Variants in MAPK4 observed in about 807,000 individuals in gnomAD.
The protein encoded by MAPK4 is mitogen-activated protein kinase 4, also known as Erk3-related.
In MAPK4, 22 loss-of-function variants were observed where a neutral mutation model predicts 47.7. The observed-to-expected ratio is 0.46, with a 90% CI of 0.33 to 0.66. The LOEUF (loss-of-function observed/expected upper bound fraction) is 0.66. MAPK4 is among the 30% of genes least tolerant of loss of function. The pLI, the probability that MAPK4 is intolerant of heterozygous loss-of-function variation, is 0.02. For missense variants in MAPK4, 736 were observed against 831.7 expected (o/e 0.88, Z 1.42); for synonymous variants, 390 against 365.7 (o/e 1.07, Z -0.76).
intron 1 of MAPK4, among the ~76,000 whole-genome samples, chr18:50,561,394 G>C (rs1197980145): frequency 6.6e-6 from 1 of 152,214 alleles, no homozygotes; most frequent in African/African-American, 2.4e-5. Context: ...TATGTGAAAA[G>C]CAGGTATACT....
chr18:50,624,024 G>A (rs1369185542), intron 1 of MAPK4, among the ~76,000 whole-genome samples: 1 of 152,224 alleles, frequency 6.6e-6, no homozygotes, highest in East Asian at 1.9e-4. Context: ...GACACCTTCT[G>A]GCCAAAATAA....
At chr18:50,650,434 G>A (rs748920717) in intron 1 of MAPK4, among the ~76,000 whole-genome samples, 4 of 151,814 alleles carry the variant, frequency 2.6e-5, no homozygotes, top group Non-Finnish European at 5.9e-5. Context: ...AGGATCCTGA[G>A]TGTTTTGTTT....
At chr18:50,570,655 A>G (rs2042241673) in intron 1 of MAPK4, among the ~76,000 whole-genome samples, 1 of 151,966 alleles carries the variant, frequency 6.6e-6, no homozygotes, top group Non-Finnish European at 1.5e-5. Flanking sequence ...TTTCCAGATG[A>G]CTCTGCTTGA....
intron 2 of MAPK4, among the ~76,000 whole-genome samples, chr18:50,712,461 T>C (rs140643865): frequency 1.2e-3 from 184 of 152,004 alleles, no homozygotes; most frequent in Non-Finnish European, 2.2e-3. Context: ...AAATCCACTT[T>C]ATGTTTTTTT....
At chr18:50,671,134 A>G (rs1907926850) in intron 2 of MAPK4, among the ~76,000 whole-genome samples, 1 of 152,208 alleles carries the variant, frequency 6.6e-6, no homozygotes, top group Non-Finnish European at 1.5e-5. Context: ...AGGGCTGCTA[A>G]TGGTGGGAAT....
At chr18:50,710,779 C>CTAAATAAATAAA (rs56152549) in intron 2 of MAPK4, among the ~76,000 whole-genome samples, 1 of 144,892 alleles carries the variant, frequency 6.9e-6, no homozygotes, top group African/African-American at 2.6e-5. Context: ...GACTCCGTCT[C>CTAAATAAATAAA]TAAATAAATA....
intron 2 of MAPK4, among the ~76,000 whole-genome samples, chr18:50,680,129 T>G (rs965755413): frequency 4.9e-5 from 7 of 143,568 alleles, no homozygotes; most frequent in Non-Finnish European, 1.1e-4. Flanking sequence ...TTCGCTCTTG[T>G]CGTCCAGGCT....
rs1568077098 is a variant in MAPK4, at chr18:50,678,565, G to T, written c.546+14061G>T. 6.6e-6 allele frequency among the ~76,000 whole-genome samples: 1 copy of T among 152,208 alleles called. No individual in the cohort carries two copies. The highest frequency in any genetic ancestry group is 1.5e-5 in the Non-Finnish European group (1 of 68,046). ...TCAAGGGTCCACCAGCGACTTCCCT[G>T]TTCAGGCACTCAGAGCAGCAACTGA... On this transcript the variant is annotated intron_variant, in intron 2 of 5. Transcript: ENST00000400384. This position sits in a 1 kb window ranked among gnomAD's most constrained non-coding sequence, Gnocchi z 4.2.
At chr18:50,574,410 G>A (rs1280312683) in intron 1 of MAPK4, among the ~76,000 whole-genome samples, 1 of 152,212 alleles carries the variant, frequency 6.6e-6, no homozygotes, top group Non-Finnish European at 1.5e-5. Context: ...TGTTGTTTGA[G>A]TTGGAAGAAA....
intron 3 of MAPK4, among the ~76,000 whole-genome samples, chr18:50,718,598 G>A (rs540889886): frequency 6.6e-6 from 1 of 152,276 alleles, no homozygotes; most frequent in Admixed American, 6.5e-5. Context: ...AGTAATGAGA[G>A]ACCCAGAAAA....
chr18:50,710,505 C>T (rs1158479148), intron 2 of MAPK4, among the ~76,000 whole-genome samples: 1 of 150,994 alleles, frequency 6.6e-6, no homozygotes, highest in Non-Finnish European at 1.5e-5. Context: ...AGGCCAGGCG[C>T]GGAGGCTCAC....
At chr18:50,693,753 G>A (rs1485542185) in intron 2 of MAPK4, among the ~76,000 whole-genome samples, 1 of 152,172 alleles carries the variant, frequency 6.6e-6, no homozygotes, top group Non-Finnish European at 1.5e-5. Flanking sequence ...TAATCCTGTG[G>A]TATAGGAAGG....
intron 1 of MAPK4, among the ~76,000 whole-genome samples, chr18:50,569,372 G>C (rs2042230675): frequency 1.3e-5 from 2 of 152,062 alleles, no homozygotes. Flanking sequence ...TTGAGACTTT[G>C]GATAATCATA....
At chr18:50,676,857 A>G (rs554953734) in intron 2 of MAPK4, among the ~76,000 whole-genome samples, 13 of 152,364 alleles carry the variant, frequency 8.5e-5, no homozygotes, top group African/African-American at 2.4e-4. Context: ...AGATGGTATG[A>G]TCATAAGTTT....
At chr18:50,612,352 C>A (rs1338171424) in intron 1 of MAPK4, among the ~76,000 whole-genome samples, 1 of 152,226 alleles carries the variant, frequency 6.6e-6, no homozygotes, top group Non-Finnish European at 1.5e-5. Context: ...TACCTCCATT[C>A]ATCTAAACCT....
In MAPK4 at chr18:50,715,178, G is replaced by A. The variant is rs767125390; in HGVS notation, c.646G>A (p.Gly216Ser). The A allele has an allele frequency of 6.2e-6, 10 of 1,614,166 alleles. No individual in the cohort carries two copies. The East Asian group carries it at 6.7e-5, about 11-fold the overall frequency. ...CAAAGCCATCGACATGTGGGCCGCC[G>A]GCTGCATCCTGGCTGAGATGCTTAC... Reference protein sequence around the residue: ...YTKAIDMWAAGCILAEMLTGR... With the variant: ...YTKAIDMWAASCILAEMLTGR... Residue 216 changes from glycine to serine, a missense_variant, in exon 3 of 6, where the codon GGC (glycine) becomes AGC (serine). Physicochemically the swap from Gly to Ser is moderately conservative, Grantham distance 56. Coordinates refer to ENST00000400384, the MANE Select transcript of MAPK4 (RefSeq NM_002747.4).
chr18:50,623,496 C>T (rs1737407111), intron 1 of MAPK4, among the ~76,000 whole-genome samples: 1 of 152,188 alleles, frequency 6.6e-6, no homozygotes, highest in Non-Finnish European at 1.5e-5. Flanking sequence ...GTGAATCTGT[C>T]AGCAGATCCC....
intron 1 of MAPK4, among the ~76,000 whole-genome samples, chr18:50,645,578 TG>T (rs2042981470): frequency 6.6e-6 from 1 of 152,186 alleles, no homozygotes; most frequent in Non-Finnish European, 1.5e-5. Flanking sequence ...AGCCTACTTA[TG>T]GGATTCCTGT....
chr18:50,628,374 C>T (rs2042799932), intron 1 of MAPK4, among the ~76,000 whole-genome samples: 1 of 152,172 alleles, frequency 6.6e-6, no homozygotes, highest in Admixed American at 6.5e-5. Flanking sequence ...CGTCTGATCT[C>T]GCCTCCCTGG....
Sources: allele counts gnomAD v4.1 joint callset (sites outside exome capture counted in the v4.1 genomes callset), GRCh38; gene constraint gnomAD v4.1.1; non-coding constraint Gnocchi (gnomAD v3.1); transcripts MANE v1.5; gene names NCBI Gene and HGNC (gene_info 2026-07-23, HGNC 2026-07-21).